The following IL1RAPL2 variants were observed in gnomAD, a reference collection of about 807,000 sequenced individuals.
The protein encoded by IL1RAPL2 is interleukin 1 receptor accessory protein like 2.
Under a neutral mutation model 44.1 loss-of-function variants are expected in IL1RAPL2, and 3 were observed. That is an observed-to-expected ratio of 0.07 (90% CI 0.03 to 0.18). The LOEUF is 0.18. IL1RAPL2 is among the 10% of genes least tolerant of loss of function. IL1RAPL2 has a pLI of 1.00. For synonymous variants in IL1RAPL2, 181 were observed against 178.8 expected (o/e 1.01, Z -0.10); for missense variants, 391 against 496.4 (o/e 0.79, Z 2.02).
At chrX:104,756,278 C>CCAAA (rs1555988864) in intron 2 of IL1RAPL2, among the ~76,000 whole-genome samples, 2 of 109,942 alleles carry the variant, frequency 1.8e-5, no homozygotes, top group African/African-American at 6.6e-5. Context: ...TGTCAGGTGA[C>CCAAA]AAAGATGCTT....
At chrX:104,847,987 C>A (rs986306189) in intron 2 of IL1RAPL2, among the ~76,000 whole-genome samples, 41 of 110,288 alleles carry the variant, frequency 3.7e-4, no homozygotes, top group African/African-American at 1.4e-3. Flanking sequence ...TGATTTGGCT[C>A]TCTGTTTGTC....
chrX:105,599,617 TA>T lies in IL1RAPL2; in HGVS notation c.772+115239del, dbSNP rs199984195. On this transcript the variant is annotated intron_variant, in intron 6 of 10. Coordinates refer to ENST00000372582, the MANE Select transcript of IL1RAPL2 (RefSeq NM_017416.2). ...ATAATATTATATTTCAATCTTTTTT[TA>T]AAAAAAAATCAAATTTAATGCAGAA... Among the ~76,000 whole-genome samples the T allele has an allele frequency of 6.5e-4, 72 of 110,360 alleles. No individual in the cohort carries two copies. The East Asian group carries it at 0.015, about 24-fold the overall frequency.
intron 5 of IL1RAPL2, among the ~76,000 whole-genome samples, chrX:105,397,704 T>C (rs1411029493): frequency 9.0e-6 from 1 of 111,189 alleles, no homozygotes; most frequent in Non-Finnish European, 1.9e-5. Context: ...TTGCTTTAAA[T>C]ATTGTATTTT....
At chrX:105,400,490 A>G (rs1373961380) in intron 5 of IL1RAPL2, among the ~76,000 whole-genome samples, 1 of 111,250 alleles carries the variant, frequency 9.0e-6, no homozygotes, top group Non-Finnish European at 1.9e-5. Flanking sequence ...TGTTTTCTGA[A>G]TCCCTCTTAA....
chrX:104,572,636 C>A (rs1427197477), intron 1 of IL1RAPL2, among the ~76,000 whole-genome samples: 1 of 111,873 alleles, frequency 8.9e-6, no homozygotes, highest in Non-Finnish European at 1.9e-5. Context: ...ACTCTGCCAC[C>A]CAGGCTGGAG....
At chrX:105,722,493 T>C (rs2038313887) in intron 7 of IL1RAPL2, among the ~76,000 whole-genome samples, 1 of 111,278 alleles carries the variant, frequency 9.0e-6, no homozygotes, top group Non-Finnish European at 1.9e-5. Flanking sequence ...TTGGAACAAA[T>C]CCAGCATTTT....
chrX:105,413,209 GT>G (rs34236842), intron 5 of IL1RAPL2, among the ~76,000 whole-genome samples: 3 of 111,551 alleles, frequency 2.7e-5, no homozygotes, highest in Admixed American at 1.9e-4. Context: ...GATAACATGG[GT>G]TTTTTTCCCC....
intron 2 of IL1RAPL2, among the ~76,000 whole-genome samples, chrX:104,926,607 T>C (rs1349588359): frequency 8.9e-6 from 1 of 111,980 alleles, no homozygotes; most frequent in African/African-American, 3.2e-5. Context: ...TTAAAATCAT[T>C]TGAGTGCAAC....
At chrX:105,737,317 T>A (rs1164955519) in intron 7 of IL1RAPL2, among the ~76,000 whole-genome samples, 1 of 110,921 alleles carries the variant, frequency 9.0e-6, no homozygotes, top group Non-Finnish European at 1.9e-5. Flanking sequence ...ACAGGCAATT[T>A]ATAAAACAAA....
chrX:105,342,781 C>T (rs2035081422), intron 5 of IL1RAPL2, among the ~76,000 whole-genome samples: 1 of 111,962 alleles, frequency 8.9e-6, no homozygotes, highest in Non-Finnish European at 1.9e-5. Context: ...CAAGACACAG[C>T]AGACCATTTA....
chrX:105,369,852 G>T (rs987773143), intron 5 of IL1RAPL2, among the ~76,000 whole-genome samples: 4 of 111,102 alleles, frequency 3.6e-5, no homozygotes, highest in Admixed American at 1.9e-4. Flanking sequence ...AGGGAAGAAT[G>T]TGTGGGGCAT....
At chrX:105,008,302 G>T (rs754745341) in intron 2 of IL1RAPL2, among the ~76,000 whole-genome samples, 3 of 111,349 alleles carry the variant, frequency 2.7e-5, no homozygotes, top group Admixed American at 1.9e-4. Context: ...TCATGGCCCA[G>T]TCACCTCCCA....
intron 4 of IL1RAPL2, among the ~76,000 whole-genome samples, chrX:105,260,282 CCTT>C (rs1024657930): frequency 8.9e-6 from 1 of 112,534 alleles, no homozygotes; most frequent in Non-Finnish European, 1.9e-5. Context: ...GCCCAGCCCT[CCTT>C]CTGAGAGCTT....
At chrX:105,330,858 A>ATCTCCCCTT (rs1207215127) in intron 5 of IL1RAPL2, among the ~76,000 whole-genome samples, 2 of 110,871 alleles carry the variant, frequency 1.8e-5, no homozygotes, top group Non-Finnish European at 3.8e-5. Flanking sequence ...TCCCTGTACT[A>ATCTCCCCTT]TCTCCCCTTT....
chrX:105,764,488 C>A (rs1239791168), intron 10 of IL1RAPL2, among the ~76,000 whole-genome samples: 3 of 111,803 alleles, frequency 2.7e-5, no homozygotes, highest in Non-Finnish European at 5.6e-5. Context: ...GTTGTAATTT[C>A]TTTTCTTTAA....
chrX:104,752,820 A>G (rs1387207598), intron 2 of IL1RAPL2, among the ~76,000 whole-genome samples: 2 of 110,500 alleles, frequency 1.8e-5, no homozygotes, highest in Non-Finnish European at 3.8e-5. Flanking sequence ...TCTGTATTCC[A>G]TTGTGAAACA....
chrX:105,000,488 A>G (rs1396243693), intron 2 of IL1RAPL2, among the ~76,000 whole-genome samples: 1 of 111,033 alleles, frequency 9.0e-6, no homozygotes, highest in Non-Finnish European at 1.9e-5. Flanking sequence ...ATGGCAGTCT[A>G]AAAGTACTGA....
chrX:104,620,639 CAAAAAAAAAAAAA>C (rs771769782), intron 1 of IL1RAPL2, among the ~76,000 whole-genome samples: 5 of 14,591 alleles, frequency 3.4e-4, no homozygotes, highest in Non-Finnish European at 3.9e-4. Flanking sequence ...GAGTCTGTCT[CAAAAAAAAAAAAA>C]AAAAAAAAAA....
chrX:105,087,877 T>C (rs2032497618), intron 2 of IL1RAPL2, among the ~76,000 whole-genome samples: 1 of 112,270 alleles, frequency 8.9e-6, no homozygotes. Context: ...TGCTTTTGTG[T>C]TCTTGATTTC....
Sources: gnomAD v4.1 joint callset for allele counts (sites outside exome capture counted in the v4.1 genomes callset) on GRCh38, gnomAD v4.1.1 for gene constraint, MANE v1.5 for transcripts, NCBI Gene and HGNC (gene_info 2026-07-23, HGNC 2026-07-21) for gene names.